Variants in CTNNA3 observed in about 807,000 individuals in gnomAD.
The protein encoded by CTNNA3 is catenin alpha-3.
A neutral mutation model predicts 95.7 loss-of-function variants in CTNNA3; 76 were observed. The observed-to-expected ratio is 0.79, with a 90% CI of 0.66 to 0.96. The LOEUF (loss-of-function observed/expected upper bound fraction) is 0.96. Ranked by LOEUF, CTNNA3 falls within the 40% of genes least tolerant of loss-of-function variation. The pLI is 0.00. For synonymous variants in CTNNA3, 431 were observed against 374.4 expected (o/e 1.15, Z -1.74); for missense variants, 1,191 against 1,089.8 (o/e 1.09, Z -1.31).
At chr10:67,762,890 T>G (rs1436668212) in intron 1 of CTNNA3, among the ~76,000 whole-genome samples, 1 of 152,132 alleles carries the variant, frequency 6.6e-6, no homozygotes, top group Non-Finnish European at 1.5e-5. Context: ...AGTCACGTAC[T>G]CCCTGCTTGC....
chr10:66,422,873 A>ACCCC (rs144120582), intron 11 of CTNNA3, among the ~76,000 whole-genome samples: 1 of 151,074 alleles, frequency 6.6e-6, no homozygotes, highest in African/African-American at 2.4e-5. Context: ...CAAGTGATCC[A>ACCCC]CCTCCCTCGG....
chr10:66,275,516 T>C (rs1010756742), intron 13 of CTNNA3, among the ~76,000 whole-genome samples: 1 of 152,214 alleles, frequency 6.6e-6, no homozygotes, highest in African/African-American at 2.4e-5. Flanking sequence ...AATTCAGTAG[T>C]GTTCTTCCAT....
chr10:66,614,626 T>G (rs72799255), intron 10 of CTNNA3, among the ~76,000 whole-genome samples: 44,213 of 151,802 alleles, frequency 0.29, 6,754 homozygotes, highest in Middle Eastern at 0.47. Flanking sequence ...ATAAAAATAT[T>G]ATCTCTTTAT....
At chr10:67,176,537 G>C (rs1329022979) in intron 7 of CTNNA3, among the ~76,000 whole-genome samples, 1 of 152,204 alleles carries the variant, frequency 6.6e-6, no homozygotes, top group East Asian at 1.9e-4. Context: ...TTCCACCAAA[G>C]AGACTAGGGA....
intron 13 of CTNNA3, among the ~76,000 whole-genome samples, chr10:66,267,120 C>T (rs1050166572): frequency 1.3e-5 from 2 of 152,062 alleles, no homozygotes; most frequent in African/African-American, 4.8e-5. Flanking sequence ...CCCAACCATA[C>T]AGGATGAATT....
At chr10:66,942,696 A>G (rs1332329493) in intron 7 of CTNNA3, among the ~76,000 whole-genome samples, 1 of 151,908 alleles carries the variant, frequency 6.6e-6, no homozygotes, top group Non-Finnish European at 1.5e-5. Flanking sequence ...AAACATGGAC[A>G]TATCACACCT....
At chr10:67,297,214 G>A (rs768559601) in intron 5 of CTNNA3, among the ~76,000 whole-genome samples, 6 of 152,086 alleles carry the variant, frequency 3.9e-5, no homozygotes, top group Admixed American at 1.3e-4. Context: ...CTCTTTGGTA[G>A]GCATTAATGT....
chr10:67,528,980 T>C (rs1029109602), intron 4 of CTNNA3, among the ~76,000 whole-genome samples: 1 of 152,198 alleles, frequency 6.6e-6, no homozygotes. Context: ...TTAATACCAA[T>C]AAATTATATA....
At chr10:66,982,157 G>T (rs937379672) in intron 7 of CTNNA3, among the ~76,000 whole-genome samples, 1 of 152,180 alleles carries the variant, frequency 6.6e-6, no homozygotes, top group Non-Finnish European at 1.5e-5. Context: ...TTGCATTCTG[G>T]CAGTTTGAAC....
chr10:66,391,729 C>T (rs2092935130), intron 11 of CTNNA3, among the ~76,000 whole-genome samples: 1 of 152,002 alleles, frequency 6.6e-6, no homozygotes, highest in Admixed American at 6.6e-5. Flanking sequence ...TTTATTGAAC[C>T]ATTCTTTATC....
In CTNNA3 at chr10:65,918,784, G is replaced by C. The variant is rs2077037758; in HGVS notation, c.*1546C>G. ...ATAATTAATAATGACCTATTAAATA[G>C]ATCCTTCTTTTCCCATACCATTATG... On this transcript the variant is annotated 3_prime_UTR_variant, in exon 18 of 18. Coordinates refer to ENST00000433211, the MANE Select transcript of CTNNA3 (RefSeq NM_013266.4). The C allele has an allele frequency of 6.6e-6, 1 of 152,008 alleles. No individual in the cohort carries two copies. The highest frequency in any genetic ancestry group is 6.6e-5 in the Admixed American group (1 of 15,254). The allele number at this position is 152,008 out of a possible 1,614,324, so 9.4% of individuals were successfully genotyped here. A position where few individuals can be genotyped will look rare whatever the true frequency, so the allele number is the denominator to read the frequency against.
intron 1 of CTNNA3, among the ~76,000 whole-genome samples, chr10:67,674,041 G>A (rs940076621): frequency 6.6e-6 from 1 of 151,794 alleles, no homozygotes; most frequent in Non-Finnish European, 1.5e-5. Flanking sequence ...GTGTGCCTAT[G>A]CAAGAGTCCC....
chr10:67,508,741 G>T (rs1839509046), intron 5 of CTNNA3, among the ~76,000 whole-genome samples: 1 of 152,046 alleles, frequency 6.6e-6, no homozygotes, highest in African/African-American at 2.4e-5. Flanking sequence ...GAAATAAAAT[G>T]TTTGCAGACC....
At chr10:67,220,435 C>T (rs893195682) in intron 5 of CTNNA3, among the ~76,000 whole-genome samples, 6 of 152,154 alleles carry the variant, frequency 3.9e-5, no homozygotes, top group Non-Finnish European at 8.8e-5. Flanking sequence ...TTGTGCTGGA[C>T]TCCAGTGTAC....
At chr10:67,576,121 G>C (rs545004475) in intron 3 of CTNNA3, among the ~76,000 whole-genome samples, 4 of 152,286 alleles carry the variant, frequency 2.6e-5, no homozygotes, top group Non-Finnish European at 5.9e-5. Context: ...TGAGGAATCA[G>C]GGAGCAACCT....
At chr10:67,108,468 CAATAA>C (rs1858766171) in intron 7 of CTNNA3, among the ~76,000 whole-genome samples, 1 of 151,934 alleles carries the variant, frequency 6.6e-6, no homozygotes, top group Non-Finnish European at 1.5e-5. Flanking sequence ...TAATTCAAAT[CAATAA>C]AATAAGCATT....
chr10:66,833,612 C>T (rs575057160), intron 7 of CTNNA3, among the ~76,000 whole-genome samples: 7 of 152,230 alleles, frequency 4.6e-5, no homozygotes, highest in Non-Finnish European at 8.8e-5. Context: ...CAAGCTAATA[C>T]GTATTGAAGT....
At chr10:67,185,890 T>C (rs1862819738) in intron 6 of CTNNA3, among the ~76,000 whole-genome samples, 1 of 151,904 alleles carries the variant, frequency 6.6e-6, no homozygotes, top group African/African-American at 2.4e-5. Context: ...CATGGTGGCA[T>C]GTGTCTGTAA....
At chr10:67,672,266 G>T (rs1840451666) in intron 1 of CTNNA3, among the ~76,000 whole-genome samples, 1 of 152,102 alleles carries the variant, frequency 6.6e-6, no homozygotes, top group South Asian at 2.1e-4. Context: ...TTAGCCCTTT[G>T]TCAGATGAGT....
Sources: gnomAD v4.1 joint callset for allele counts (sites outside exome capture counted in the v4.1 genomes callset) on GRCh38, gnomAD v4.1.1 for gene constraint, MANE v1.5 for transcripts, NCBI Gene and HGNC (gene_info 2026-07-23, HGNC 2026-07-21) for gene names.